Variants in PSMA8 observed in about 807,000 individuals in gnomAD.
The protein encoded by PSMA8 is proteasome subunit alpha-type 8.
A neutral mutation model predicts 32.4 loss-of-function variants in PSMA8; 18 were observed. That is an observed-to-expected ratio of 0.56 (90% CI 0.38 to 0.82). The LOEUF is 0.82. Ranked by LOEUF, PSMA8 falls within the 40% of genes least tolerant of loss-of-function variation. The pLI is 0.00. For synonymous variants in PSMA8, 104 were observed against 98.1 expected, an observed-to-expected ratio of 1.06 and a Z score of -0.36; for missense variants, 298 against 300.7, an observed-to-expected ratio of 0.99 and a Z score of 0.07.
intron 1 of PSMA8, among the ~76,000 whole-genome samples, chr18:26,140,637 G>A (rs1039186701): frequency 1.3e-5 from 2 of 152,160 alleles, no homozygotes; most frequent in Admixed American, 1.3e-4. Flanking sequence ...TTTGGCATCA[G>A]CTTTCATAAA....
chr18:26,189,143 G>A (rs1378985085), intron 6 of PSMA8, among the ~76,000 whole-genome samples: 3 of 152,080 alleles, frequency 2.0e-5, no homozygotes, highest in Non-Finnish European at 4.4e-5. Flanking sequence ...AACTCTATAA[G>A]AGAAAAAACA....
intron 6 of PSMA8, among the ~76,000 whole-genome samples, chr18:26,187,241 G>T (rs532906317): frequency 1.3e-5 from 2 of 150,702 alleles, no homozygotes; most frequent in South Asian, 4.1e-4. Context: ...AGCTACTCAG[G>T]GGGCTGAGGC....
chr18:26,178,224 A>G (rs2055279253), intron 4 of PSMA8, among the ~76,000 whole-genome samples: 1 of 152,056 alleles, frequency 6.6e-6, no homozygotes, highest in African/African-American at 2.4e-5. Context: ...TTTCAAAAGA[A>G]TATATAAATA....
At chr18:26,160,366 A>G (rs2055125886) in intron 4 of PSMA8, among the ~76,000 whole-genome samples, 1 of 152,162 alleles carries the variant, frequency 6.6e-6, no homozygotes, top group Non-Finnish European at 1.5e-5. Flanking sequence ...AAGATGTTCT[A>G]TTTATTTCAT....
chr18:26,171,227 G>T, intron 4 of PSMA8: 2 of 1,559,090 alleles, frequency 1.3e-6, no homozygotes, highest in East Asian at 2.4e-5. Context: ...GCAGGTCCCC[G>T]TTCTTGCCGA....
At chr18:26,154,504 G>A (rs1003742784) in intron 3 of PSMA8, among the ~76,000 whole-genome samples, 2 of 152,080 alleles carry the variant, frequency 1.3e-5, no homozygotes, top group African/African-American at 2.4e-5. Flanking sequence ...GTGTATTTAC[G>A]GAAACATAGT....
intron 6 of PSMA8, among the ~76,000 whole-genome samples, chr18:26,182,765 G>T (rs1297741067): frequency 6.6e-6 from 1 of 152,122 alleles, no homozygotes; most frequent in African/African-American, 2.4e-5. Context: ...AGAGGTTTGA[G>T]ATCAGCCTGG....
At chr18:26,141,681 T>C (rs2054956993) in intron 1 of PSMA8, among the ~76,000 whole-genome samples, 1 of 148,684 alleles carries the variant, frequency 6.7e-6, no homozygotes, top group Non-Finnish European at 1.5e-5. Context: ...AGCGTAGTTC[T>C]TTTTTTTCTT....
intron 4 of PSMA8, among the ~76,000 whole-genome samples, chr18:26,173,442 C>T (rs1304457864): frequency 1.3e-5 from 2 of 152,152 alleles, no homozygotes; most frequent in African/African-American, 2.4e-5. Flanking sequence ...CCTGGCTTTA[C>T]TTCTCTCATA....
chr18:26,176,152 G>A (rs1460759108), intron 4 of PSMA8, among the ~76,000 whole-genome samples: 3 of 152,170 alleles, frequency 2.0e-5, no homozygotes, highest in Admixed American at 2.0e-4. Context: ...GGATCTGAGT[G>A]TGGCAAGAAC....
intron 4 of PSMA8, among the ~76,000 whole-genome samples, chr18:26,171,553 G>A (rs997654205): frequency 1.1e-4 from 17 of 152,288 alleles, no homozygotes; most frequent in East Asian, 1.9e-4. Flanking sequence ...GGCCAACATG[G>A]CGAAACCCCG....
chr18:26,141,713 C>CTTTTTTTTTTTTTTTTT (rs1011733993), intron 1 of PSMA8, among the ~76,000 whole-genome samples: 102 of 109,940 alleles, frequency 9.3e-4, no homozygotes, highest in Non-Finnish European at 1.4e-3. Context: ...TTTCTTTTTT[C>CTTTTTTTTTTTTTTTTT]TTTTTTTTTT....
At chr18:26,172,024 C>T (rs969490093) in intron 4 of PSMA8, among the ~76,000 whole-genome samples, 13 of 152,134 alleles carry the variant, frequency 8.5e-5, no homozygotes, top group African/African-American at 1.7e-4. Flanking sequence ...TAAGGAACAC[C>T]AAGCATGGAG....
chr18:26,151,561 ATAAT>A (rs2055045820), intron 2 of PSMA8, among the ~76,000 whole-genome samples: 1 of 152,244 alleles, frequency 6.6e-6, no homozygotes, highest in Non-Finnish European at 1.5e-5. Flanking sequence ...TATATATTTG[ATAAT>A]TAAGTAATAT....
chr18:26,189,648 A>C (rs1254682548), intron 6 of PSMA8, among the ~76,000 whole-genome samples: 1 of 152,232 alleles, frequency 6.6e-6, no homozygotes, highest in Non-Finnish European at 1.5e-5. Context: ...GCTACAGCAA[A>C]TGCTGGTGAG....
intron 6 of PSMA8, among the ~76,000 whole-genome samples, chr18:26,186,589 T>C (rs1181090378): frequency 2.0e-5 from 3 of 152,196 alleles, no homozygotes; most frequent in Non-Finnish European, 4.4e-5. Flanking sequence ...TACTAAGAAG[T>C]AAATAGTATT....
At chr18:26,160,059 T>A (rs540909579) in intron 4 of PSMA8, among the ~76,000 whole-genome samples, 4 of 152,202 alleles carry the variant, frequency 2.6e-5, no homozygotes, top group Non-Finnish European at 5.9e-5. Context: ...CCCAGCACTT[T>A]GGGCAGCCAA....
chr18:26,160,234 G>A (rs1395406845), intron 4 of PSMA8, among the ~76,000 whole-genome samples: 3 of 152,200 alleles, frequency 2.0e-5, no homozygotes, highest in East Asian at 1.9e-4. Flanking sequence ...CAGCCCAAGA[G>A]TTTGAAGCTG....
intron 4 of PSMA8, among the ~76,000 whole-genome samples, chr18:26,175,766 T>A (rs1300206058): frequency 6.6e-6 from 1 of 152,210 alleles, no homozygotes; most frequent in African/African-American, 2.4e-5. Flanking sequence ...TTTTCTCACA[T>A]AATGAAAAGT....
Sources: allele counts gnomAD v4.1 joint callset (sites outside exome capture counted in the v4.1 genomes callset), GRCh38; gene constraint gnomAD v4.1.1; transcripts MANE v1.5; gene names NCBI Gene and HGNC (gene_info 2026-07-23, HGNC 2026-07-21).